The following CHMP4B variants were observed in gnomAD, a reference collection of about 807,000 sequenced individuals.
CHMP4B encodes the protein SNF7 homolog associated with Alix 1.
In CHMP4B, 1 loss-of-function variant was observed where a neutral mutation model predicts 25.1. The observed-to-expected ratio is 0.04, with a 90% CI of 0.01 to 0.19. The LOEUF is 0.19. Ranked by LOEUF, CHMP4B falls within the 10% of genes least tolerant of loss-of-function variation. The probability of loss-of-function intolerance (pLI) is 1.00; values close to 1 mark genes in which losing one functional copy is unlikely to be tolerated. For missense variants in CHMP4B, 151 were observed against 289.7 expected, an observed-to-expected ratio of 0.52 and a Z score of 3.48; for synonymous variants, 101 against 115.6, an observed-to-expected ratio of 0.87 and a Z score of 0.81.
chr20:33,829,670 C>T (rs948012650), intron 1 of CHMP4B, among the ~76,000 whole-genome samples: 3 of 152,146 alleles, frequency 2.0e-5, no homozygotes, highest in African/African-American at 7.2e-5. Flanking sequence ...TTTTAATTGG[C>T]TAATATATGC....
intron 1 of CHMP4B, among the ~76,000 whole-genome samples, chr20:33,815,068 A>AG (rs1296154629): frequency 1.3e-5 from 2 of 151,836 alleles, no homozygotes; most frequent in African/African-American, 4.9e-5. Flanking sequence ...GAATCCCATC[A>AG]GGGGCAAGGA....
intron 1 of CHMP4B, among the ~76,000 whole-genome samples, chr20:33,841,841 G>A (rs145457126): frequency 1.3e-5 from 2 of 152,282 alleles, no homozygotes; most frequent in East Asian, 1.9e-4. Flanking sequence ...TTTGGAAACT[G>A]GATGGAAGAA....
chr20:33,844,606 AG>A, intron 1 of CHMP4B, among the ~76,000 whole-genome samples: 1 of 152,234 alleles, frequency 6.6e-6, no homozygotes, highest in East Asian at 1.9e-4. Flanking sequence ...GAGAAAAAGC[AG>A]TTCTAAATCT....
intron 1 of CHMP4B, among the ~76,000 whole-genome samples, chr20:33,823,792 G>A (rs1234404538): frequency 6.6e-6 from 1 of 152,048 alleles, no homozygotes. Flanking sequence ...TGATTCACTC[G>A]GCTTCCCGAA....
chr20:33,818,731 A>G (rs945168848), intron 1 of CHMP4B, among the ~76,000 whole-genome samples: 2 of 152,238 alleles, frequency 1.3e-5, no homozygotes, highest in African/African-American at 4.8e-5. Context: ...TTGGGGCCAC[A>G]GAGAACAGGT....
chr20:33,839,953 A>G (rs554211327), intron 1 of CHMP4B, among the ~76,000 whole-genome samples: 1 of 152,284 alleles, frequency 6.6e-6, no homozygotes, highest in East Asian at 1.9e-4. Flanking sequence ...GAAAGTATCA[A>G]TTTTTCATTG....
At chr20:33,821,402 A>AG (rs1264189977) in intron 1 of CHMP4B, among the ~76,000 whole-genome samples, 1 of 152,004 alleles carries the variant, frequency 6.6e-6, no homozygotes, top group Non-Finnish European at 1.5e-5. Flanking sequence ...AAAAAAAAAA[A>AG]AAAATCCTGG....
intron 1 of CHMP4B, among the ~76,000 whole-genome samples, chr20:33,832,775 A>ATTTT (rs35940987): frequency 2.9e-5 from 4 of 138,202 alleles, no homozygotes; most frequent in East Asian, 2.1e-4. Context: ...ACAATAAATG[A>ATTTT]TTTTTTTTTT....
chr20:33,833,788 TC>T (rs763781188), intron 1 of CHMP4B, among the ~76,000 whole-genome samples: 1 of 152,152 alleles, frequency 6.6e-6, no homozygotes, highest in African/African-American at 2.4e-5. Context: ...AAGGTTAGTT[TC>T]CCCCCTCTAG....
intron 1 of CHMP4B, among the ~76,000 whole-genome samples, chr20:33,843,566 C>G (rs962722579): frequency 5.3e-5 from 8 of 152,016 alleles, no homozygotes; most frequent in Admixed American, 1.3e-4. Flanking sequence ...AAAGTTAAGG[C>G]AAAACATTAA....
Position 33,848,658 on chromosome 20 carries a change from C to T in CHMP4B, c.368+14C>T, listed in dbSNP as rs774716958. On this transcript the variant is annotated intron_variant, in intron 2 of 4. Coordinates refer to ENST00000217402, the MANE Select transcript of CHMP4B (RefSeq NM_176812.5). ...CCATGACAACATGTACGTGTCCACC[C>T]GCCCCTGCGCCACAGGGCAGTGCTA... 1.7e-5 allele frequency: 28 copies of T among 1,613,948 alleles called. No individual in the cohort carries two copies. The highest frequency in any genetic ancestry group is 1.6e-4 in the Middle Eastern group (1 of 6,062).
chr20:33,823,744 G>A (rs1172569746), intron 1 of CHMP4B, among the ~76,000 whole-genome samples: 2 of 152,158 alleles, frequency 1.3e-5, no homozygotes, highest in Non-Finnish European at 2.9e-5. Flanking sequence ...AGGGTTGCAC[G>A]ATATTGGTTA....
chr20:33,829,773 GT>G (rs1319108935), intron 1 of CHMP4B, among the ~76,000 whole-genome samples: 15 of 152,184 alleles, frequency 9.9e-5, no homozygotes, highest in Admixed American at 9.8e-4. Context: ...TCCGGAGATA[GT>G]TTAAGACCAG....
intron 1 of CHMP4B, among the ~76,000 whole-genome samples, chr20:33,821,992 A>ATT: frequency 7.2e-6 from 1 of 138,448 alleles, no homozygotes; most frequent in African/African-American, 2.6e-5. Context: ...AAATTTTTGT[A>ATT]TTTTTTTTTT....
intron 2 of CHMP4B, among the ~76,000 whole-genome samples, 158 bp downstream of exon 2, chr20:33,848,802 G>A (rs1348348638): frequency 6.6e-6 from 1 of 152,202 alleles, no homozygotes; most frequent in Non-Finnish European, 1.5e-5. Context: ...GAAAATGGAT[G>A]ACGTGCCTTT....
chr20:33,825,773 T>C (rs972470955), intron 1 of CHMP4B, among the ~76,000 whole-genome samples: 1 of 152,210 alleles, frequency 6.6e-6, no homozygotes, highest in Non-Finnish European at 1.5e-5. Context: ...TTGCAGAACC[T>C]CTCATCTCAA....
At position 33,820,215 on chromosome 20, in the gene CHMP4B, T is replaced by G. The variant is rs897197636; in HGVS notation, c.190+8557T>G. Among the ~76,000 whole-genome samples the G allele has an allele frequency of 3.9e-5, 6 of 152,104 alleles. No individual in the cohort carries two copies. In the East Asian group the frequency reaches 1.2e-3, roughly 29 times the overall value. On this transcript the variant is annotated intron_variant, in intron 1 of 4. Coordinates refer to ENST00000217402, the MANE Select transcript of CHMP4B (RefSeq NM_176812.5). ...AAAAGAAAAAAAGAAATGTGGACTC[T>G]TAGGCCCCATCCTGACCTACTGAAG...
intron 2 of CHMP4B, among the ~76,000 whole-genome samples, 200 bp downstream of exon 2, chr20:33,848,844 TTC>T (rs1274041370): frequency 2.0e-5 from 3 of 152,192 alleles, no homozygotes; most frequent in Non-Finnish European, 4.4e-5. Flanking sequence ...TAAAAGTACT[TTC>T]TGAGTAATTC....
chr20:33,822,614 T>G (rs536868184), intron 1 of CHMP4B, among the ~76,000 whole-genome samples: 8 of 152,302 alleles, frequency 5.3e-5, no homozygotes, highest in African/African-American at 1.9e-4. Context: ...TTCTGTGGCC[T>G]TGTCTAAGGA....
Sources: gnomAD v4.1 joint callset for allele counts (sites outside exome capture counted in the v4.1 genomes callset) on GRCh38, gnomAD v4.1.1 for gene constraint, MANE v1.5 for transcripts, NCBI Gene and HGNC (gene_info 2026-07-23, HGNC 2026-07-21) for gene names.